Variants in FILIP1 observed in about 807,000 individuals in gnomAD.
FILIP1 encodes filamin-A-interacting protein 1.
Under a neutral mutation model 102.1 loss-of-function variants are expected in FILIP1, and 61 were observed. The ratio of observed to expected loss-of-function variants is 0.60; its 90% confidence interval spans 0.49 to 0.74. The LOEUF is 0.74. Ranked by LOEUF, FILIP1 falls within the 30% of genes least tolerant of loss-of-function variation. The pLI, the probability that FILIP1 is intolerant of heterozygous loss-of-function variation, is 0.00. For synonymous variants in FILIP1, 491 were observed against 526.9 expected (o/e 0.93, Z 0.93); for missense variants, 1,314 against 1,441.2 (o/e 0.91, Z 1.43).
intron 1 of FILIP1, among the ~76,000 whole-genome samples, chr6:75,431,777 G>A (rs1392739466): frequency 6.6e-6 from 1 of 152,146 alleles, no homozygotes; most frequent in African/African-American, 2.4e-5. Context: ...ACACCCCTCT[G>A]TCCTTTCTAC....
chr6:75,421,813 C>T (rs1006469933), intron 1 of FILIP1, among the ~76,000 whole-genome samples: 11 of 152,090 alleles, frequency 7.2e-5, no homozygotes, highest in Admixed American at 5.2e-4. Context: ...AACTAGCATG[C>T]TAGCCCGTCT....
chr6:75,445,367 G>A (rs1207853790), intron 1 of FILIP1, among the ~76,000 whole-genome samples: 1 of 151,866 alleles, frequency 6.6e-6, no homozygotes, highest in Non-Finnish European at 1.5e-5. Context: ...ATGTCCTACT[G>A]ATCTCTCTTC....
rs199690472 is a variant in FILIP1 at position 75,315,021 on chromosome 6, G to A, written c.811C>T (p.Leu271Phe). 5 of 1,613,880 alleles carry A rather than the reference G, an allele frequency of 3.1e-6. No homozygotes were observed. The change falls in exon 5 of 6, where the codon CTT becomes TTT. Residue 271 changes from leucine to phenylalanine, a missense_variant. Physicochemically the swap from Leu to Phe is conservative, Grantham distance 22. Around this residue, in one of 3 missense-constraint regions of FILIP1, gnomAD observed 494 missense variants for 511.2 expected, o/e 0.97. Coordinates refer to ENST00000237172, the MANE Select transcript of FILIP1 (RefSeq NM_015687.5). ...LGLQSQKVQD[L>F]TQKLREEEEK... ...TCTTCTTCCCTCAGCTTCTGAGTAA[G>A]ATCCTGTACTTTCTGGCTTTGCAGG...
intron 1 of FILIP1, among the ~76,000 whole-genome samples, chr6:75,487,266 G>A (rs958029751): frequency 1.3e-5 from 2 of 152,252 alleles, no homozygotes; most frequent in African/African-American, 4.8e-5. Context: ...ACTCTTCCTG[G>A]CTTGCCCTGA....
At chr6:75,309,546 C>T (rs1335835588) in intron 5 of FILIP1, among the ~76,000 whole-genome samples, 4 of 152,250 alleles carry the variant, frequency 2.6e-5, no homozygotes, top group Non-Finnish European at 5.9e-5. Context: ...CTGAGAATTG[C>T]CTTAGTTATT....
chr6:75,295,219 G>C (rs1353459905), exon 7 of FILIP1: 1 of 152,032 alleles, frequency 6.6e-6, no homozygotes, highest in Non-Finnish European at 1.5e-5. Flanking sequence ...TTATGAATTT[G>C]TTCTATATAA....
At chr6:75,461,479 T>C (rs996222315) in intron 1 of FILIP1, among the ~76,000 whole-genome samples, 1 of 152,234 alleles carries the variant, frequency 6.6e-6, no homozygotes, top group African/African-American at 2.4e-5. Flanking sequence ...TCAGTCAATG[T>C]AATATTTGAA....
At chr6:75,397,654 T>C (rs1776513775) in intron 2 of FILIP1, among the ~76,000 whole-genome samples, 1 of 151,682 alleles carries the variant, frequency 6.6e-6, no homozygotes, top group South Asian at 2.1e-4. Flanking sequence ...CAGACCCATT[T>C]AAAGTTCAAA....
chr6:75,419,400 T>A (rs1397594213), intron 1 of FILIP1, among the ~76,000 whole-genome samples: 1 of 152,172 alleles, frequency 6.6e-6, no homozygotes, highest in East Asian at 1.9e-4. Flanking sequence ...TTCCTGGTTT[T>A]ATTTTATCTA....
At chr6:75,319,690 C>CGTAGCG in intron 4 of FILIP1, 1 of 336,302 alleles carries the variant, frequency 3.0e-6, no homozygotes, top group Non-Finnish European at 5.7e-6. Context: ...ATTAGCCGGG[C>CGTAGCG]GTAGCGGCGG....
chr6:75,378,415 C>T (rs1775809435), intron 2 of FILIP1, among the ~76,000 whole-genome samples: 1 of 152,206 alleles, frequency 6.6e-6, no homozygotes, highest in South Asian at 2.1e-4. Context: ...AAAGCCTGTT[C>T]AGCCTCTGTT....
rs575981768 is a variant in FILIP1 at position 75,459,533 on chromosome 6, T to C, written c.-7+33881A>G. Reference sequence around the variant, plus strand: ...TCCCTTCAGCGCTATCATCCGATCATTACAAAACTTTCAAAAGAAATAAGA... The same window carrying C: ...TCCCTTCAGCGCTATCATCCGATCACTACAAAACTTTCAAAAGAAATAAGA... On this transcript the variant is annotated intron_variant, in intron 1 of 5. Transcript: ENST00000237172. 2.6e-5 allele frequency among the ~76,000 whole-genome samples: 4 copies of C among 152,280 alleles called. No homozygotes were observed. In the South Asian group the frequency reaches 8.3e-4, roughly 32 times the overall value.
chr6:75,449,850 T>A (rs749909294), intron 1 of FILIP1, among the ~76,000 whole-genome samples: 1 of 152,194 alleles, frequency 6.6e-6, no homozygotes, highest in African/African-American at 2.4e-5. Context: ...CAGAGTAATA[T>A]GATAACCAGT....
chr6:75,363,048 C>A, intron 2 of FILIP1, 131 bp from the exon 3 acceptor site: 1 of 841,554 alleles, frequency 1.2e-6, no homozygotes, highest in Non-Finnish European at 1.8e-6. Flanking sequence ...ACTGGGTATT[C>A]TGCTCTAATT....
intron 4 of FILIP1, among the ~76,000 whole-genome samples, chr6:75,315,945 T>A (rs958300123): frequency 6.6e-6 from 1 of 152,228 alleles, no homozygotes; most frequent in Non-Finnish European, 1.5e-5. Flanking sequence ...GGCTTTCTGA[T>A]ACAAACACTG....
chr6:75,396,324 A>G (rs989944224), intron 2 of FILIP1, among the ~76,000 whole-genome samples: 1 of 151,902 alleles, frequency 6.6e-6, no homozygotes, highest in African/African-American at 2.4e-5. Context: ...CTGGGGAATT[A>G]GCCAAAGGGG....
intron 4 of FILIP1, among the ~76,000 whole-genome samples, chr6:75,345,884 G>A (rs1269344440): frequency 6.6e-6 from 1 of 152,112 alleles, no homozygotes; most frequent in Admixed American, 6.6e-5. Context: ...AGACAGCAAT[G>A]CCACTTCACA....
chr6:75,387,039 C>G (rs924093917), intron 2 of FILIP1, among the ~76,000 whole-genome samples: 1 of 152,026 alleles, frequency 6.6e-6, no homozygotes, highest in African/African-American at 2.4e-5. Context: ...CACCAACAGG[C>G]CCCGGTGTGT....
intron 1 of FILIP1, among the ~76,000 whole-genome samples, chr6:75,447,119 G>A (rs1778465385): frequency 6.6e-6 from 1 of 152,080 alleles, no homozygotes; most frequent in Admixed American, 6.5e-5. Flanking sequence ...AGGATGGTAT[G>A]AACAACTCTA....
Sources: gnomAD v4.1 joint callset for allele counts (sites outside exome capture counted in the v4.1 genomes callset) on GRCh38, gnomAD v4.1.1 for gene constraint, gnomAD v4.1.1 regional missense constraint, MANE v1.5 for transcripts, NCBI Gene and HGNC (gene_info 2026-07-23, HGNC 2026-07-21) for gene names.